COLQ: variants seen among roughly 807,000 people sequenced by gnomAD.
The protein encoded by COLQ is collagen like tail subunit of asymmetric acetylcholinesterase.
Under a neutral mutation model 69.0 loss-of-function variants are expected in COLQ, and 48 were observed. That is an observed-to-expected ratio of 0.70 (90% CI 0.55 to 0.88). The LOEUF (loss-of-function observed/expected upper bound fraction) is 0.88. Among genes scored for constraint, COLQ ranks in the 40% least tolerant of loss-of-function variants. The pLI is 0.00. For missense variants in COLQ, 618 were observed against 594.6 expected (o/e 1.04, Z -0.41); for synonymous variants, 217 against 211.2 (o/e 1.03, Z -0.24).
At chr3:15,455,793 G>T in intron 15 of COLQ, 106 bp downstream of exon 15, 2 of 1,491,636 alleles carry the variant, frequency 1.3e-6, no homozygotes, top group Admixed American at 1.8e-5. Context: ...CCCTTCTCTG[G>T]CTCTAGAAAG....
chr3:15,475,002 G>T, intron 7 of COLQ, 51 bp from the exon 8 acceptor site: 2 of 1,592,056 alleles, frequency 1.3e-6, no homozygotes, highest in East Asian at 4.5e-5. Flanking sequence ...GGACTTCTGA[G>T]TTTGGTGGAA....
At chr3:15,460,726 C>A (rs558518620) in intron 12 of COLQ, among the ~76,000 whole-genome samples, 9 of 152,282 alleles carry the variant, frequency 5.9e-5, no homozygotes, top group Non-Finnish European at 8.8e-5. Flanking sequence ...ACAAGAAATA[C>A]AAATATAATT....
At chr3:15,485,324 C>T (rs186595262) in intron 3 of COLQ, among the ~76,000 whole-genome samples, 1 of 152,274 alleles carries the variant, frequency 6.6e-6, no homozygotes, top group East Asian at 1.9e-4. Flanking sequence ...GAGGTGTCTC[C>T]CAGTTAGGCT....
chr3:15,507,093 G>A (rs2125172191), intron 1 of COLQ, among the ~76,000 whole-genome samples: 1 of 152,052 alleles, frequency 6.6e-6, no homozygotes, highest in African/African-American at 2.4e-5. Flanking sequence ...GAGCCACCGT[G>A]CCACCCCACT....
intron 14 of COLQ, 109 bp downstream of exon 14, chr3:15,456,351 G>A (rs1482545603): frequency 6.9e-7 from 1 of 1,457,678 alleles, no homozygotes; most frequent in Non-Finnish European, 9.4e-7. Flanking sequence ...CATGCAGACA[G>A]ACTGTAGAAA....
chr3:15,516,096 G>A (rs1198069405), intron 1 of COLQ, among the ~76,000 whole-genome samples: 2 of 152,220 alleles, frequency 1.3e-5, no homozygotes, highest in Non-Finnish European at 2.9e-5. Flanking sequence ...CTTGGGATGG[G>A]GTTGGCAGGA....
At chr3:15,504,854 C>T (rs558963624) in intron 1 of COLQ, among the ~76,000 whole-genome samples, 83 of 152,222 alleles carry the variant, frequency 5.5e-4, no homozygotes, top group African/African-American at 1.9e-3. Context: ...AGCGAGACTC[C>T]GTCTCAAAAA....
chr3:15,452,994 C>T (rs1168942070), intron 16 of COLQ, among the ~76,000 whole-genome samples: 2 of 152,122 alleles, frequency 1.3e-5, no homozygotes, highest in Non-Finnish European at 2.9e-5. Context: ...AGATCGGAAG[C>T]ACCAGTAGAT....
At chr3:15,488,657 A>G (rs1332014947) in intron 2 of COLQ, among the ~76,000 whole-genome samples, 1 of 152,238 alleles carries the variant, frequency 6.6e-6, no homozygotes, top group African/African-American at 2.4e-5. Flanking sequence ...TAAATTGTCT[A>G]GTAGTCACTT....
chr3:15,471,167 C>A (rs2125110643), intron 10 of COLQ, among the ~76,000 whole-genome samples: 1 of 152,302 alleles, frequency 6.6e-6, no homozygotes, highest in African/African-American at 2.4e-5. Flanking sequence ...TCTTAGTAAG[C>A]ATTGGTTTGA....
intron 5 of COLQ, 158 bp downstream of exon 5, chr3:15,478,819 G>T: frequency 1.2e-6 from 1 of 859,490 alleles, no homozygotes. Flanking sequence ...GAAAGGGCAA[G>T]GTTACTACTG....
At chr3:15,461,868 T>C (rs1402005531) in intron 12 of COLQ, among the ~76,000 whole-genome samples, 2 of 151,954 alleles carry the variant, frequency 1.3e-5, no homozygotes, top group African/African-American at 2.4e-5. Flanking sequence ...TGTAGGTATA[T>C]ACAGTTTTTT....
chr3:15,472,770 T>C (rs2062309771), intron 10 of COLQ, among the ~76,000 whole-genome samples: 1 of 152,234 alleles, frequency 6.6e-6, no homozygotes, highest in East Asian at 1.9e-4. Context: ...TTCACAATTT[T>C]TGTCATCTCT....
At position 15,498,839 on chromosome 3, in the gene COLQ, A is replaced by G. The variant is rs1014605635; in HGVS notation, c.107-9202T>C. 3.5e-6 allele frequency: 5 copies of G among 1,423,314 alleles called. No individual in the cohort carries two copies. In the African/African-American group the frequency reaches 4.3e-5, roughly 12 times the overall value. 88.2% of individuals were successfully genotyped at this position (1,423,314 alleles called of 1,614,324 possible). On this transcript the variant is annotated intron_variant, in intron 1 of 16. Transcript: ENST00000383788. The stretch of plus-strand genomic sequence containing the variant: ...GAACACTGCTGTAGGGGAGGCTTGG[A>G]GGACAAGAGTGCCTTCAGCCCAGGG...
chr3:15,470,355 C>T (rs757147219), intron 11 of COLQ, among the ~76,000 whole-genome samples, 181 bp downstream of exon 11: 3 of 152,314 alleles, frequency 2.0e-5, no homozygotes, highest in South Asian at 2.1e-4. Flanking sequence ...CTTCAAACTA[C>T]GGCTAGCCTA....
At position 15,458,339 on chromosome 3, in the gene COLQ, G is replaced by A; in HGVS notation, c.815-14C>T. 1.2e-6 allele frequency: 2 copies of A among 1,614,052 alleles called. No individual in the cohort carries two copies. Among genetic ancestry groups the A allele is most frequent in the Non-Finnish European group, 8.5e-7 (1 of 1,179,970 alleles). The stretch of plus-strand genomic sequence containing the variant: ...TTATAAGTTGTCCTAGGAAGCAACA[G>A]ACTGCTGTGTTACTAGAGCCAAGGA... On this transcript the variant is annotated splice_polypyrimidine_tract_variant and intron_variant, in intron 12 of 16. Coordinates refer to ENST00000383788, the MANE Select transcript of COLQ (RefSeq NM_005677.4).
At position 15,451,572 on chromosome 3, in the gene COLQ, T is replaced by C; in HGVS notation, c.*72A>G. On this transcript the variant is annotated 3_prime_UTR_variant, in exon 17 of 17. Transcript: ENST00000383788. ...GGTTGGTGGAGACGGGGCCAGGACA[T>C]GGCCAGTTTGATGACAGTGGAGAAG... 2 of 1,416,216 alleles carry C rather than the reference T, an allele frequency of 1.4e-6. No homozygotes were observed. The highest frequency in any genetic ancestry group is 2.0e-6 in the Non-Finnish European group (2 of 999,446). The allele number at this position is 1,416,216 out of a possible 1,614,324, so 87.7% of individuals were successfully genotyped here. A position where few individuals can be genotyped will look rare whatever the true frequency, so the allele number is the denominator to read the frequency against.
intron 1 of COLQ, among the ~76,000 whole-genome samples, chr3:15,506,016 A>G (rs2062906705): frequency 6.6e-6 from 1 of 152,202 alleles, no homozygotes; most frequent in African/African-American, 2.4e-5. Context: ...GGTTCCTGGG[A>G]GTCCCATGGC....
intron 5 of COLQ, 65 bp from the exon 6 acceptor site, chr3:15,477,262 T>C: frequency 6.9e-7 from 1 of 1,456,838 alleles, no homozygotes; most frequent in South Asian, 1.2e-5. Context: ...ATAAATATGT[T>C]TTGTCTCTGG....
Sources: gnomAD v4.1 joint callset for allele counts (sites outside exome capture counted in the v4.1 genomes callset) on GRCh38, gnomAD v4.1.1 for gene constraint, MANE v1.5 for transcripts, NCBI Gene and HGNC (gene_info 2026-07-23, HGNC 2026-07-21) for gene names.